COL5A2: variants seen among roughly 807,000 people sequenced by gnomAD.
COL5A2 encodes the protein collagen alpha-2(V) chain.
In COL5A2, 23 loss-of-function variants were observed where a neutral mutation model predicts 208.2. That is an observed-to-expected ratio of 0.11 (90% CI 0.08 to 0.16). The LOEUF is 0.16. Ranked by LOEUF, COL5A2 falls within the 10% of genes least tolerant of loss-of-function variation. The pLI, the probability that COL5A2 is intolerant of heterozygous loss-of-function variation, is 1.00. For missense variants in COL5A2, 1,590 were observed against 1,956.4 expected, an observed-to-expected ratio of 0.81 and a Z score of 3.53; for synonymous variants, 625 against 628.5, an observed-to-expected ratio of 0.99 and a Z score of 0.08.
intron 1 of COL5A2, among the ~76,000 whole-genome samples, chr2:189,201,962 A>G (rs1366994395): frequency 2.6e-5 from 4 of 151,546 alleles, no homozygotes; most frequent in Admixed American, 6.6e-5. Context: ...GTCTGTTAAT[A>G]AAAATAGAAT....
At chr2:189,290,000 A>C in the COL5A2 span, among the ~76,000 whole-genome samples, 11 of 152,212 alleles carry the variant, frequency 7.2e-5, no homozygotes, top group Non-Finnish European at 1.3e-4. Flanking sequence ...ATAAGGAAGC[A>C]CAAAAGACCT....
At chr2:189,229,001 A>T (rs187447226), upstream of COL5A2, among the ~76,000 whole-genome samples, 1 of 151,932 alleles carries the variant, frequency 6.6e-6, no homozygotes. Flanking sequence ...AGGATGGCTC[A>T]TCATATAAAT....
intron 29 of COL5A2, among the ~76,000 whole-genome samples, chr2:189,062,092 C>T (rs1027219298): frequency 1.1e-4 from 16 of 151,904 alleles, no homozygotes; most frequent in African/African-American, 2.4e-4. Flanking sequence ...CAAAATATTT[C>T]GGATAAACAC....
chr2:189,346,710 G>A, the COL5A2 span, among the ~76,000 whole-genome samples: 9 of 152,280 alleles, frequency 5.9e-5, no homozygotes, highest in Non-Finnish European at 1.3e-4. Context: ...GTGTCAGAAG[G>A]TTGAATAAGT....
At chr2:189,216,412 A>G (rs559504934) in intron 1 of COL5A2, among the ~76,000 whole-genome samples, 1 of 152,074 alleles carries the variant, frequency 6.6e-6, no homozygotes, top group Admixed American at 6.6e-5. Context: ...CATTCATTCA[A>G]TATTCTTTTC....
At chr2:189,241,780 G>T in the COL5A2 span, among the ~76,000 whole-genome samples, 1 of 152,092 alleles carries the variant, frequency 6.6e-6, no homozygotes, top group African/African-American at 2.4e-5. Flanking sequence ...AAAGTAGTTG[G>T]GTCCAAAGCT....
intron 1 of COL5A2, among the ~76,000 whole-genome samples, chr2:189,204,360 GAAT>G (rs1689118086): frequency 6.6e-6 from 1 of 152,136 alleles, no homozygotes; most frequent in African/African-American, 2.4e-5. Flanking sequence ...TTTGCTAATT[GAAT>G]AATGACTAAA....
chr2:189,319,635 C>T, the COL5A2 span, among the ~76,000 whole-genome samples: 3 of 152,370 alleles, frequency 2.0e-5, no homozygotes, highest in Admixed American at 2.0e-4. Context: ...CCCGCCATTG[C>T]TGAGGCTTGA....
At chr2:189,095,515 A>AAC (rs1054600254) in intron 6 of COL5A2, among the ~76,000 whole-genome samples, 15 of 150,990 alleles carry the variant, frequency 9.9e-5, no homozygotes, top group Non-Finnish European at 8.9e-5. Flanking sequence ...CACACACACA[A>AAC]ACACACACAC....
chr2:189,043,999 G>T (rs1050042579), intron 47 of COL5A2, among the ~76,000 whole-genome samples: 4 of 152,166 alleles, frequency 2.6e-5, no homozygotes, highest in Non-Finnish European at 4.4e-5. Flanking sequence ...GTTATTGTTG[G>T]TGGTGGTGTT....
At chr2:189,098,035 T>TCCCCCCCC (rs770630921) in intron 5 of COL5A2, among the ~76,000 whole-genome samples, 24 of 150,936 alleles carry the variant, frequency 1.6e-4, no homozygotes, top group African/African-American at 5.1e-4. Context: ...AAAATGTTTT[T>TCCCCCCCC]CCCCCCCTGG....
rs4667259 is a variant in COL5A2, at chr2:189,035,367, C to T, written c.4114-212G>A. Among the ~76,000 whole-genome samples, 108,273 of 151,862 alleles carry T rather than the reference C, an allele frequency of 0.71. 39,681 individuals carry two copies. Among genetic ancestry groups the T allele is most frequent in the Non-Finnish European group, 0.81 (55,036 of 67,948 alleles). ...TCAAAAGAACCTCTGTCCTTATTAACCCAAAGGGTAATGAAACCAATAATA... is the reference window on the plus strand; with the variant it reads ...TCAAAAGAACCTCTGTCCTTATTAATCCAAAGGGTAATGAAACCAATAATA... On this transcript the variant is annotated intron_variant, in intron 52 of 53. Coordinates refer to ENST00000374866, the MANE Select transcript of COL5A2 (RefSeq NM_000393.5).
the COL5A2 span, among the ~76,000 whole-genome samples, chr2:189,285,436 A>G: frequency 6.6e-6 from 1 of 152,146 alleles, no homozygotes; most frequent in East Asian, 1.9e-4. Flanking sequence ...CTGACTAATA[A>G]TAACCTACAT....
At chr2:189,290,065 C>T in the COL5A2 span, among the ~76,000 whole-genome samples, 7 of 152,270 alleles carry the variant, frequency 4.6e-5, no homozygotes, top group African/African-American at 1.4e-4. Context: ...CATCACACTA[C>T]CTGACTTCAA....
At chr2:189,277,685 T>C in the COL5A2 span, among the ~76,000 whole-genome samples, 1 of 151,484 alleles carries the variant, frequency 6.6e-6, no homozygotes, top group African/African-American at 2.4e-5. Context: ...TCAAAGTATA[T>C]TGTTCCATAT....
chr2:189,037,444 C>T (rs1685467169), intron 51 of COL5A2, among the ~76,000 whole-genome samples: 1 of 152,096 alleles, frequency 6.6e-6, no homozygotes. Flanking sequence ...GTGAGAATTG[C>T]ATTTTAAATG....
chr2:189,321,856 C>A, the COL5A2 span, among the ~76,000 whole-genome samples: 19 of 152,222 alleles, frequency 1.2e-4, no homozygotes, highest in African/African-American at 4.6e-4. Flanking sequence ...CTCTCCACCA[C>A]AAATCAACAG....
At chr2:189,049,068 C>T (rs1685728832) in intron 44 of COL5A2, among the ~76,000 whole-genome samples, 1 of 151,992 alleles carries the variant, frequency 6.6e-6, no homozygotes, top group African/African-American at 2.4e-5. Flanking sequence ...ATGGATGTGT[C>T]CTTTCACCCT....
chr2:189,339,755 G>A, the COL5A2 span, among the ~76,000 whole-genome samples: 6 of 152,298 alleles, frequency 3.9e-5, no homozygotes, highest in South Asian at 2.1e-4. Context: ...AGGCAATCAC[G>A]ACAGGTGTGG....
Sources: gnomAD v4.1 joint callset for allele counts (sites outside exome capture counted in the v4.1 genomes callset) on GRCh38, gnomAD v4.1.1 for gene constraint, MANE v1.5 for transcripts, NCBI Gene and HGNC (gene_info 2026-07-23, HGNC 2026-07-21) for gene names.